Variants in KLRG1 observed in about 807,000 individuals in gnomAD.
The protein encoded by KLRG1 is killer cell lectin like receptor G1, also known as killer cell lectin-like receptor subfamily G member 1.
Under a neutral mutation model 21.8 loss-of-function variants are expected in KLRG1, and 16 were observed. The observed-to-expected ratio is 0.73, with a 90% CI of 0.50 to 1.11. The LOEUF is 1.11. Among genes scored for constraint, KLRG1 ranks in the 50% most tolerant of loss-of-function variants. KLRG1 has a pLI of 0.00. For missense variants in KLRG1, 173 were observed against 218.3 expected, an observed-to-expected ratio of 0.79 and a Z score of 1.31; for synonymous variants, 69 against 75.9, an observed-to-expected ratio of 0.91 and a Z score of 0.47.
At chr12:9,164,010 G>GA in the KLRG1 span, 36 of 1,355,122 alleles carry the variant, frequency 2.7e-5, no homozygotes, top group East Asian at 7.0e-5. Flanking sequence ...ATAGAAATAG[G>GA]AAAAAAAACT....
At chr12:9,033,379 A>C in the KLRG1 span, among the ~76,000 whole-genome samples, 5 of 152,118 alleles carry the variant, frequency 3.3e-5, no homozygotes, top group African/African-American at 1.2e-4. Context: ...TGGGTGATAG[A>C]GGCTACAATG....
the KLRG1 span, among the ~76,000 whole-genome samples, chr12:9,146,292 T>C: frequency 6.6e-6 from 1 of 151,990 alleles, no homozygotes; most frequent in South Asian, 2.1e-4. Flanking sequence ...TTCTTCTGCT[T>C]TATCTAGTTT....
chr12:9,107,415 G>A, the KLRG1 span: 1 of 1,313,914 alleles, frequency 7.6e-7, no homozygotes, highest in Non-Finnish European at 1.0e-6. Flanking sequence ...AGCCAACATG[G>A]AATTCTCTTC....
At chr12:9,029,094 G>A in the KLRG1 span, 3 of 425,646 alleles carry the variant, frequency 7.0e-6, no homozygotes, top group South Asian at 3.1e-5. Flanking sequence ...AGACATGACG[G>A]CAGAAAGAAG....
the KLRG1 span, chr12:9,158,478 A>G: frequency 1.2e-6 from 2 of 1,614,206 alleles, no homozygotes; most frequent in East Asian, 4.5e-5. Flanking sequence ...GTCCTTCTGC[A>G]TCTGGGAGAG....
the KLRG1 span, chr12:9,089,863 T>C: frequency 2.3e-6 from 3 of 1,331,362 alleles, no homozygotes; most frequent in African/African-American, 2.9e-5. Context: ...ACATATATTA[T>C]ATATTATTGT....
chr12:9,163,678 A>G, the KLRG1 span: 2 of 1,613,642 alleles, frequency 1.2e-6, no homozygotes, highest in Non-Finnish European at 1.7e-6. Flanking sequence ...CTCCACCAAC[A>G]GGGTTTTGAT....
intron 1 of KLRG1, among the ~76,000 whole-genome samples, chr12:8,983,397 T>A (rs1478915596): frequency 7.1e-6 from 1 of 140,488 alleles, no homozygotes; most frequent in African/African-American, 2.7e-5. Flanking sequence ...CATTTTACCT[T>A]TTTTTTTTTT....
the KLRG1 span, chr12:9,200,525 A>G: frequency 8.6e-7 from 1 of 1,168,852 alleles, no homozygotes; most frequent in South Asian, 1.4e-5. Context: ...GTATGTCTAT[A>G]ATTTTTCCCA....
intron 1 of KLRG1, among the ~76,000 whole-genome samples, chr12:8,966,758 A>C (rs1347101967): frequency 7.2e-6 from 1 of 139,490 alleles, no homozygotes; most frequent in Admixed American, 7.3e-5. Flanking sequence ...TAGTTCAACC[A>C]TTGTGGAAGT....
At chr12:8,971,930 A>C (rs1200824891) in intron 1 of KLRG1, among the ~76,000 whole-genome samples, 1 of 152,186 alleles carries the variant, frequency 6.6e-6, no homozygotes, top group African/African-American at 2.4e-5. Flanking sequence ...TATGGTTTAC[A>C]AATATTTTCT....
chr12:9,110,507 A>G, the KLRG1 span, among the ~76,000 whole-genome samples: 1 of 152,048 alleles, frequency 6.6e-6, no homozygotes. Flanking sequence ...CGTAACACAA[A>G]GAATAAATGT....
chr12:8,965,338 G>A (rs1449456725), intron 1 of KLRG1, among the ~76,000 whole-genome samples: 2 of 152,098 alleles, frequency 1.3e-5, no homozygotes, highest in Non-Finnish European at 2.9e-5. Flanking sequence ...TCTGGCCAGG[G>A]CAATCAGGCA....
chr12:9,164,807 G>T, the KLRG1 span, among the ~76,000 whole-genome samples: 60,931 of 151,952 alleles, frequency 0.4, 12,335 homozygotes, highest in Middle Eastern at 0.43. Flanking sequence ...ACGGGTTGGA[G>T]AATGACTCTC....
chr12:9,099,240 G>A, the KLRG1 span: 1 of 754,686 alleles, frequency 1.3e-6, no homozygotes, highest in Non-Finnish European at 2.2e-6. Context: ...TTCTTAGTGT[G>A]ACTCTGCCAC....
downstream of KLRG1, among the ~76,000 whole-genome samples, chr12:9,012,082 A>G (rs1947639894): frequency 1.3e-5 from 2 of 152,168 alleles, no homozygotes; most frequent in African/African-American, 4.8e-5. Flanking sequence ...TCCTGGTGCT[A>G]TGCTAGGCTC....
At chr12:8,953,986 G>A (rs149519820) in intron 1 of KLRG1, among the ~76,000 whole-genome samples, 1 of 152,160 alleles carries the variant, frequency 6.6e-6, no homozygotes, top group Admixed American at 6.5e-5. Context: ...AGGCCGAGAA[G>A]TTGCGGGAGG....
chr12:9,065,141 A>C, the KLRG1 span: 36 of 98,970 alleles, frequency 3.6e-4, no homozygotes, highest in South Asian at 2.8e-3. Context: ...GACCTGGAAC[A>C]TTCCCTTCCT....
the KLRG1 span, among the ~76,000 whole-genome samples, chr12:9,209,255 A>G: frequency 1.3e-5 from 2 of 152,024 alleles, no homozygotes; most frequent in African/African-American, 4.8e-5. Context: ...AAACTTTTTA[A>G]ATCAACTTTC....
Sources: allele counts gnomAD v4.1 joint callset (sites outside exome capture counted in the v4.1 genomes callset), GRCh38; gene constraint gnomAD v4.1.1; transcripts MANE v1.5; gene names NCBI Gene and HGNC (gene_info 2026-07-23, HGNC 2026-07-21).